Variants in TTC9B observed in about 807,000 individuals in gnomAD.
TTC9B encodes tetratricopeptide repeat protein 9B.
A neutral mutation model predicts 19.4 loss-of-function variants in TTC9B; 12 were observed. The ratio of observed to expected loss-of-function variants is 0.62; its 90% CI spans 0.40 to 1.00. TTC9B has a LOEUF of 1.00. Ranked by LOEUF, TTC9B falls within the 50% of genes least tolerant of loss-of-function variation. The probability of loss-of-function intolerance (pLI) is 0.00; values close to 1 mark genes in which losing one functional copy is unlikely to be tolerated. For missense variants in TTC9B, 316 were observed against 345.2 expected (o/e 0.92, Z 0.67); for synonymous variants, 156 against 158.6 (o/e 0.98, Z 0.12).
At chr19:40,217,114 C>T (rs1182596929) in intron 2 of TTC9B, 73 bp downstream of exon 2, 1 of 1,500,492 alleles carries the variant, frequency 6.7e-7, no homozygotes, top group Non-Finnish European at 9.0e-7. Flanking sequence ...GATCTTCCTG[C>T]CTGTTCCCTC....
At position 40,218,214 on chromosome 19, in the gene TTC9B, C is replaced by T; in HGVS notation, c.168G>A (p.Ala56=). 1.3e-6 allele frequency: 2 copies of T among 1,569,274 alleles called. No homozygotes were observed. The highest frequency in any genetic ancestry group is 1.2e-5 in the South Asian group (1 of 86,086). ...CGGCACGCAGGCTGCTGTCGAGCGC[C>T]GCGCCCAGGCTCCCCGACGGCTCTG... ...PTPEPSGSLG[A]ALDSSLRAAV... is the part of the protein sequence containing the mutation. The change falls in exon 1 of 3, where the codon GCG becomes GCA. Residue 56 remains alanine, a synonymous_variant. Coordinates refer to ENST00000311308, the MANE Select transcript of TTC9B (RefSeq NM_152479.6). This position sits in a 1 kb window ranked among gnomAD's most constrained non-coding sequence, Gnocchi z 4.2.
chr19:40,217,338 G>C lies in TTC9B; in HGVS notation c.459C>G (p.Tyr153Ter). The C allele has an allele frequency of 6.2e-7, 1 of 1,613,738 alleles. No homozygotes were observed. Among genetic ancestry groups the C allele is most frequent in the Non-Finnish European group, 8.5e-7 (1 of 1,179,816 alleles). The change falls in exon 2 of 3, where the codon TAC (tyrosine) becomes TAG (stop). Residue 153 changes from tyrosine (Y) to a stop codon, truncating the protein, a stop_gained. Transcript: ENST00000311308. LOFTEE classifies it high-confidence loss of function. ...ACLLQSELVN[Y>*]ERVREYCLKV... is the part of the protein sequence containing the mutation. ...TGAGACAGTACTCGCGCACGCGCTC[G>C]TAGTTTACCAGCTCCGACTGCAGCA... is the stretch of plus-strand genomic sequence containing the variant.
intron 1 of TTC9B, chr19:40,217,631 G>C (rs985909675): frequency 1.9e-6 from 1 of 530,574 alleles, no homozygotes; most frequent in Non-Finnish European, 3.3e-6. Flanking sequence ...GCGGGGGCGA[G>C]GGCCGGGACC....
chr19:40,216,124 T>C lies in TTC9B; in HGVS notation c.*39A>G, dbSNP rs928855712. On this transcript the variant is annotated 3_prime_UTR_variant, in exon 3 of 3. Transcript: ENST00000311308. ...AGTCGGGGGAAGTTACATGGTGAGG[T>C]GGGAGGGCGAGGGATAGAGAGGTCC... 1.1e-5 allele frequency: 17 copies of C among 1,518,308 alleles called. No individual in the cohort carries two copies. The highest frequency in any genetic ancestry group is 1.6e-5 in the Non-Finnish European group (17 of 1,092,972). 94.1% of individuals were successfully genotyped at this position (1,518,308 alleles called of 1,614,324 possible).
In TTC9B at chr19:40,218,330, G is replaced by T. The variant is rs567947170; in HGVS notation, c.52C>A (p.Pro18Thr). Residue 18 changes from proline (P) to threonine (T), a missense_variant, in exon 1 of 3, where the codon CCT becomes ACT. Physicochemically the swap from Pro to Thr is conservative, Grantham distance 38. Coordinates refer to ENST00000311308, the MANE Select transcript of TTC9B (RefSeq NM_152479.6). The surrounding 1 kb of genome is among the most constrained non-coding windows in gnomAD (Gnocchi z 4.2). ...AGGGCGGGAGGCGGGCGCGGCGGAGGCTCCGGGGCAGCGCTGAGCATCAGC... is the reference window on the plus strand; with the variant it reads ...AGGGCGGGAGGCGGGCGCGGCGGAGTCTCCGGGGCAGCGCTGAGCATCAGC... The part of the protein sequence containing the change: ...PVLMLSAAPE[P>T]PPRPPPALSP... 2.6e-4 allele frequency: 351 copies of T among 1,360,900 alleles called. No individual in the cohort carries two copies. Among genetic ancestry groups the T allele is most frequent in the Middle Eastern group, 2.2e-3 (8 of 3,696 alleles). 84.3% of individuals were successfully genotyped at this position (1,360,900 alleles called of 1,614,324 possible). A position where few individuals can be genotyped will look rare whatever the true frequency, so the allele number is the denominator to read the frequency against.
rs1973390508 is a variant in TTC9B at position 40,217,823 on chromosome 19, A to C, written c.427+132T>G. On this transcript the variant is annotated intron_variant, in intron 1 of 2. Coordinates refer to ENST00000311308, the MANE Select transcript of TTC9B (RefSeq NM_152479.6). ...TACCCCTAATCCCTTTCCTTGATCA[A>C]GCTCTGAAGGCTCCCCCAGAAGCCC... 1.2e-5 allele frequency: 10 copies of C among 806,824 alleles called. No individual in the cohort carries two copies. In the South Asian group the frequency reaches 2.3e-4, roughly 19 times the overall value. 50.0% of individuals were successfully genotyped at this position (806,824 alleles called of 1,614,324 possible). A position where few individuals can be genotyped will look rare whatever the true frequency, so the allele number is the denominator to read the frequency against.
intron 1 of TTC9B, 108 bp from the exon 2 acceptor site, chr19:40,217,477 T>G: frequency 1.5e-6 from 2 of 1,367,524 alleles, no homozygotes; most frequent in Non-Finnish European, 1.9e-6. Flanking sequence ...GCCTAAGGGA[T>G]TGCTCCGGCA....
In TTC9B at chr19:40,218,035, C is replaced by A; in HGVS notation, c.347G>T (p.Ser116Ile). 2 of 1,486,266 alleles carry A rather than the reference C, an allele frequency of 1.3e-6. No individual in the cohort carries two copies. Among genetic ancestry groups the A allele is most frequent in the South Asian group, 1.3e-5 (1 of 77,340 alleles). 92.1% of individuals were successfully genotyped at this position (1,486,266 alleles called of 1,614,324 possible). A position where few individuals can be genotyped will look rare whatever the true frequency, so the allele number is the denominator to read the frequency against. The change falls in exon 1 of 3, where the codon AGC becomes ATC. Residue 116 changes from serine to isoleucine, a missense_variant. Coordinates refer to ENST00000311308, the MANE Select transcript of TTC9B (RefSeq NM_152479.6). The surrounding 1 kb of genome is among the most constrained non-coding windows in gnomAD (Gnocchi z 4.2). ...CTCGCTGAGGCGCGCCGGCCCGGGG[C>A]TGCTGGTGGGCCCGGGGGCGGGGGC... ...LPAPAPGPTS[S>I]PGPARLSEEQ...
intron 1 of TTC9B, 177 bp downstream of exon 1, chr19:40,217,778 C>T: frequency 3.3e-6 from 2 of 603,670 alleles, no homozygotes; most frequent in South Asian, 5.6e-5. Flanking sequence ...TCCCTCCAGC[C>T]ACAGACCCCT....
chr19:40,216,376 G>A (rs1015333412), intron 2 of TTC9B, 104 bp from the exon 3 acceptor site: 9 of 794,726 alleles, frequency 1.1e-5, no homozygotes, highest in Admixed American at 6.2e-5. Flanking sequence ...CCAGCAGCTC[G>A]CTCACACAGC....
rs147617598 is a variant in TTC9B at position 40,218,181 on chromosome 19, C to A, written c.201G>T (p.Ala67=). ...AGCAGCGCTGGCCCTCTGCCTTGAA[C>A]GCCACGGCGGCACGCAGGCTGCTGT... is the stretch of plus-strand genomic sequence containing the variant. ...ALDSSLRAAV[A]FKAEGQRCYR... is the part of the protein sequence containing the mutation. Residue 67 remains alanine, a synonymous_variant, in exon 1 of 3, where the codon GCG becomes GCT. Transcript: ENST00000311308. The surrounding 1 kb of genome is among the most constrained non-coding windows in gnomAD (Gnocchi z 4.2). 7.0e-5 allele frequency: 110 copies of A among 1,576,348 alleles called. No homozygotes were observed. In the Middle Eastern group the frequency reaches 7.2e-4, roughly 10 times the overall value.
Position 40,218,079 on chromosome 19 carries a change from G to C in TTC9B, c.303C>G (p.Ala101=). The part of the protein sequence containing the change: ...ALLQLKAAQG[A]RPSGLPAPAP... ...CGGGGGCGGGCAGGCCGCTAGGGCG[G>C]GCCCCCTGCGCCGCCTTCAGCTGCA... The change falls in exon 1 of 3, where the codon GCC becomes GCG. Residue 101 remains alanine (A), a synonymous_variant. Coordinates refer to ENST00000311308, the MANE Select transcript of TTC9B (RefSeq NM_152479.6). The surrounding 1 kb of genome is among the most constrained non-coding windows in gnomAD (Gnocchi z 4.2). 2.6e-6 allele frequency: 4 copies of C among 1,547,726 alleles called. No homozygotes were observed. The highest frequency in any genetic ancestry group is 3.5e-6 in the Non-Finnish European group (4 of 1,152,944).
Position 40,216,089 on chromosome 19 carries a change from C to G in TTC9B, c.*74G>C, listed in dbSNP as rs1410080298. 1 of 1,238,792 alleles carries G rather than the reference C, an allele frequency of 8.1e-7. No homozygotes were observed. Among genetic ancestry groups the G allele is most frequent in the Admixed American group, 1.7e-5 (1 of 58,770 alleles). 76.7% of individuals were successfully genotyped at this position (1,238,792 alleles called of 1,614,324 possible). ...TCACCAGTGACAAGTGTTTTACCAA[C>G]AAACACATGAGTCGGGGGAAGTTAC... On this transcript the variant is annotated 3_prime_UTR_variant, in exon 3 of 3. Transcript: ENST00000311308.
At chr19:40,217,535 C>A (rs1328584913) in intron 1 of TTC9B, 166 bp from the exon 2 acceptor site, 3 of 886,688 alleles carry the variant, frequency 3.4e-6, no homozygotes, top group Non-Finnish European at 5.0e-6. Flanking sequence ...GCAACTGCGC[C>A]GCTGCTAGGG....
At chr19:40,217,723 G>T (rs187005226) in intron 1 of TTC9B, 32 of 529,406 alleles carry the variant, frequency 6.0e-5, no homozygotes, top group Non-Finnish European at 8.8e-5. Flanking sequence ...CAGGGGAAGC[G>T]AGGCCCTGAA....
intron 1 of TTC9B, chr19:40,217,585 C>T (rs1388538466): frequency 4.8e-6 from 3 of 621,814 alleles, no homozygotes; most frequent in Non-Finnish European, 5.4e-6. Context: ...GCGATCCACC[C>T]AGAGCTGTCG....
At position 40,217,232 on chromosome 19, in the gene TTC9B, G is replaced by T. The variant is rs757206821; in HGVS notation, c.565C>A (p.Arg189Ser). 6.2e-7 allele frequency: 1 copy of T among 1,613,768 alleles called. No individual in the cohort carries two copies. Among genetic ancestry groups the T allele is most frequent in the Non-Finnish European group, 8.5e-7 (1 of 1,179,940 alleles). ...GCCTCCTGCAGGTAGCGCAGCGCGC[G>T]TGCGTAGTCGCCCAGGTGGTAGAAG... ...IAFYHLGDYA[R>S]ALRYLQEARS... Residue 189 changes from arginine (R) to serine (S), a missense_variant, in exon 2 of 3, where the codon CGC (arginine) becomes AGC (serine). Arg to Ser is a moderately radical substitution (Grantham distance 110, BLOSUM62 -1). Coordinates refer to ENST00000311308, the MANE Select transcript of TTC9B (RefSeq NM_152479.6).
At chr19:40,217,932 C>CAA in intron 1 of TTC9B, 23 bp downstream of exon 1, 13 of 1,174,202 alleles carry the variant, frequency 1.1e-5, no homozygotes, top group Non-Finnish European at 1.1e-5. Context: ...CGTGCCCCAT[C>CAA]CCCCCACCCC....
At chr19:40,216,595 T>C (rs1274741079) in intron 2 of TTC9B, 9 of 387,652 alleles carry the variant, frequency 2.3e-5, no homozygotes, top group South Asian at 1.7e-4. Context: ...AAAACTAATC[T>C]CGTCTCGGCT....
Sources: allele counts gnomAD v4.1 joint callset, GRCh38; gene constraint gnomAD v4.1.1; non-coding constraint Gnocchi (gnomAD v3.1); transcripts MANE v1.5; gene names NCBI Gene and HGNC (gene_info 2026-07-23, HGNC 2026-07-21).